Variants in ZNF469 observed in about 807,000 individuals in gnomAD.
ZNF469 encodes zinc finger protein 469.
ZNF469 carries 1 observed loss-of-function variant against 1.0 expected under a neutral mutation model. The ratio of observed to expected loss-of-function variants is 1.00; its 90% CI spans 0.35 to 4.73. The LOEUF is 4.73. Among genes scored for constraint, ZNF469 ranks in the 30% most tolerant of loss-of-function variants. ZNF469 has a pLI of 0.16. For synonymous variants in ZNF469, 2,703 were observed against 2,363.4 expected, an observed-to-expected ratio of 1.14 and a Z score of -4.17; for missense variants, 6,100 against 5,356.3, an observed-to-expected ratio of 1.14 and a Z score of -4.33.
At chr16:88,144,811 CTT>C in the ZNF469 span, among the ~76,000 whole-genome samples, 9 of 151,850 alleles carry the variant, frequency 5.9e-5, no homozygotes, top group South Asian at 1.5e-3. Flanking sequence ...TCTAGAGTCT[CTT>C]ATCTTGGGAA....
chr16:88,325,630 A>G, the ZNF469 span, among the ~76,000 whole-genome samples: 808 of 152,324 alleles, frequency 5.3e-3, 5 homozygotes, highest in African/African-American at 0.019. Context: ...TCTGCCACTT[A>G]GGGCTCCTGG....
chr16:88,285,214 C>T, the ZNF469 span, among the ~76,000 whole-genome samples: 3 of 152,280 alleles, frequency 2.0e-5, no homozygotes, highest in African/African-American at 7.2e-5. Context: ...GCCCCCAGAG[C>T]TGTGGTAGGC....
At chr16:88,247,472 GTGAGTGAA>G in the ZNF469 span, among the ~76,000 whole-genome samples, 4 of 132,246 alleles carry the variant, frequency 3.0e-5, no homozygotes, top group African/African-American at 1.1e-4. Context: ...GAATGAATGA[GTGAGTGAA>G]TGAGTGAATG....
At chr16:88,226,619 T>G in the ZNF469 span, among the ~76,000 whole-genome samples, 1 of 152,052 alleles carries the variant, frequency 6.6e-6, no homozygotes, top group Non-Finnish European at 1.5e-5. Context: ...GCCCTCCTTC[T>G]GGAAAGCAGA....
chr16:88,264,821 C>T, the ZNF469 span, among the ~76,000 whole-genome samples: 52 of 152,254 alleles, frequency 3.4e-4, no homozygotes, highest in African/African-American at 1.2e-3. Context: ...CCGCCTCGCA[C>T]CCTCGCGCCA....
rs763345014 is a variant in ZNF469, at chr16:88,432,833, G to C, written c.5363G>C (p.Arg1788Pro). Reference protein sequence around the residue: ...PEPGTADQPHRGAPAPEAFGS... With the variant: ...PEPGTADQPHPGAPAPEAFGS... ...CCCGGCACAGCAGACCAGCCCCACC[G>C]AGGGGCCCCTGCTCCAGAAGCTTTT... is the stretch of plus-strand genomic sequence containing the variant. Residue 1788 changes from arginine (R) to proline (P), a missense_variant, in exon 3 of 3, where the codon CGA becomes CCA. Arg to Pro is a moderately radical substitution (Grantham distance 103). Transcript: ENST00000565624. 9.7e-6 allele frequency: 15 copies of C among 1,550,212 alleles called. No individual in the cohort carries two copies.
the ZNF469 span, among the ~76,000 whole-genome samples, chr16:88,315,671 G>C: frequency 6.6e-6 from 1 of 152,192 alleles, no homozygotes; most frequent in Non-Finnish European, 1.5e-5. Flanking sequence ...GCGTCTGCCT[G>C]TGCAGAAGGT....
chr16:88,368,192 T>C, the ZNF469 span, among the ~76,000 whole-genome samples: 1 of 152,246 alleles, frequency 6.6e-6, no homozygotes, highest in African/African-American at 2.4e-5. Context: ...AGATGCTGTG[T>C]CCTTCTGGAC....
the ZNF469 span, among the ~76,000 whole-genome samples, chr16:88,231,507 C>T: frequency 2.0e-5 from 3 of 152,278 alleles, no homozygotes; most frequent in African/African-American, 7.2e-5. This position sits in a 1 kb window ranked among gnomAD's most constrained non-coding sequence, Gnocchi z 4.5. Flanking sequence ...GCACACACCT[C>T]GCTGGGCTAA....
chr16:88,314,175 T>C, the ZNF469 span, among the ~76,000 whole-genome samples: 8 of 129,948 alleles, frequency 6.2e-5, no homozygotes, highest in African/African-American at 2.1e-4. Flanking sequence ...AGTGCTGGTG[T>C]GGACTGTCAT....
At chr16:88,112,288 G>T in the ZNF469 span, among the ~76,000 whole-genome samples, 1 of 152,256 alleles carries the variant, frequency 6.6e-6, no homozygotes, top group South Asian at 2.1e-4. Context: ...CCTTTCTTTT[G>T]GGTCTATACC....
At chr16:88,237,788 C>T in the ZNF469 span, among the ~76,000 whole-genome samples, 19 of 143,898 alleles carry the variant, frequency 1.3e-4, no homozygotes, top group African/African-American at 4.9e-4. Flanking sequence ...CCCTGCCCTC[C>T]TTGCTCCCGC....
chr16:88,423,948 C>T (rs1487097696), intron 1 of ZNF469, among the ~76,000 whole-genome samples: 1 of 152,240 alleles, frequency 6.6e-6, no homozygotes, highest in East Asian at 1.9e-4. Context: ...GAGAATGAGG[C>T]TCCACCTCTT....
At chr16:88,188,019 C>T in the ZNF469 span, among the ~76,000 whole-genome samples, 1 of 152,204 alleles carries the variant, frequency 6.6e-6, no homozygotes, top group East Asian at 1.9e-4. Flanking sequence ...CCCCTGCTCC[C>T]CAGTTCTCCT....
chr16:88,436,191 C>T lies in ZNF469; in HGVS notation c.8721C>T (p.Arg2907=), dbSNP rs1383543381. 2.6e-6 allele frequency: 4 copies of T among 1,547,928 alleles called. No individual in the cohort carries two copies. The East Asian group carries it at 9.8e-5, about 38-fold the overall frequency. ...EGGDPTLGPA[R]LPTDLSDSSS... ...GTGACCCCACGCTGGGCCCAGCCCG[C>T]CTGCCCACGGACCTCAGCGACTCCA... The change falls in exon 3 of 3, where the codon CGC becomes CGT. Residue 2907 remains arginine (R), a synonymous_variant. Transcript: ENST00000565624.
chr16:88,198,259 G>T, the ZNF469 span, among the ~76,000 whole-genome samples: 1 of 152,200 alleles, frequency 6.6e-6, no homozygotes, highest in Non-Finnish European at 1.5e-5. Flanking sequence ...ATGGAGTGTG[G>T]GGAGGGGCTT....
At chr16:88,133,701 C>T in the ZNF469 span, among the ~76,000 whole-genome samples, 1 of 150,052 alleles carries the variant, frequency 6.7e-6, no homozygotes, top group African/African-American at 2.5e-5. Context: ...AATTAATTAA[C>T]TAACTTAACA....
chr16:88,267,135 T>A, the ZNF469 span, among the ~76,000 whole-genome samples: 1 of 152,182 alleles, frequency 6.6e-6, no homozygotes, highest in Non-Finnish European at 1.5e-5. Flanking sequence ...GGCGGCACCC[T>A]CCATCGGCGC....
At chr16:88,326,386 A>G in the ZNF469 span, among the ~76,000 whole-genome samples, 24,377 of 152,184 alleles carry the variant, frequency 0.16, 1,997 homozygotes, top group African/African-American at 0.2. Context: ...GTGGAACTGT[A>G]AGTCCATTAA....
Sources: gnomAD v4.1 joint callset for allele counts (sites outside exome capture counted in the v4.1 genomes callset) on GRCh38, gnomAD v4.1.1 for gene constraint, Gnocchi (gnomAD v3.1) non-coding constraint, MANE v1.5 for transcripts, NCBI Gene and HGNC (gene_info 2026-07-23, HGNC 2026-07-21) for gene names.